The following ANGPT2 variants were observed in gnomAD, a reference collection of about 807,000 sequenced individuals.
ANGPT2 encodes the protein angiopoietin-2.
Under a neutral mutation model 62.9 loss-of-function variants are expected in ANGPT2, and 28 were observed. The observed-to-expected ratio is 0.44, with a 90% CI of 0.33 to 0.61. ANGPT2 has a LOEUF of 0.61. ANGPT2 is among the 20% of genes least tolerant of loss of function. The probability of loss-of-function intolerance (pLI) is 0.03; values close to 1 mark genes in which losing one functional copy is unlikely to be tolerated. For missense variants in ANGPT2, 727 were observed against 594.9 expected (o/e 1.22, Z -2.31); for synonymous variants, 284 against 207.8 (o/e 1.37, Z -3.15).
At chr8:6,507,775 G>A (rs1814076479) in intron 8 of ANGPT2, 1 of 151,806 alleles carries the variant, frequency 6.6e-6, no homozygotes, top group Non-Finnish European at 1.5e-5. Flanking sequence ...TAGAGATGGG[G>A]TTTCAACATG....
chr8:6,511,836 G>T (rs1421680711), intron 7 of ANGPT2, among the ~76,000 whole-genome samples: 1 of 151,398 alleles, frequency 6.6e-6, no homozygotes, highest in Non-Finnish European at 1.5e-5. Flanking sequence ...AGCGTACAAG[G>T]GTAATGACCC....
intron 1 of ANGPT2, among the ~76,000 whole-genome samples, chr8:6,546,069 G>C (rs887995170): frequency 4.6e-5 from 7 of 152,200 alleles, no homozygotes; most frequent in African/African-American, 1.7e-4. Context: ...CAGTTCCTTA[G>C]GAACTACTGG....
rs553535284 is a variant in ANGPT2 at position 6,521,424 on chromosome 8, G to T, written c.567-14C>A. 2 of 1,575,038 alleles carry T rather than the reference G, an allele frequency of 1.3e-6. No homozygotes were observed. The highest frequency in any genetic ancestry group is 2.7e-5 in the African/African-American group (2 of 73,518). Reference sequence around the variant, plus strand: ...TTTTCTAGGAAACTTGTAAGGAAAAGAATTGTTAGTTAGTGAAGGCTATTC... The same window carrying T: ...TTTTCTAGGAAACTTGTAAGGAAAATAATTGTTAGTTAGTGAAGGCTATTC... On this transcript the variant is annotated splice_polypyrimidine_tract_variant and intron_variant, in intron 3 of 8. Transcript: ENST00000629816.
intron 7 of ANGPT2, among the ~76,000 whole-genome samples, chr8:6,512,440 G>A (rs962164737): frequency 5.3e-5 from 8 of 152,162 alleles, no homozygotes; most frequent in African/African-American, 1.7e-4. Flanking sequence ...GACTGTTTTT[G>A]TGATGTTCGT....
At chr8:6,543,781 A>G (rs1211873459) in intron 1 of ANGPT2, among the ~76,000 whole-genome samples, 3 of 152,164 alleles carry the variant, frequency 2.0e-5, no homozygotes, top group Non-Finnish European at 4.4e-5. Context: ...CCAAGTATTT[A>G]AAGCTGCGAG....
At chr8:6,503,406 C>G in intron 8 of ANGPT2, 145 bp from the exon 9 acceptor site, 2 of 759,376 alleles carry the variant, frequency 2.6e-6, no homozygotes, top group Non-Finnish European at 4.3e-6. Flanking sequence ...AGGATGTGCA[C>G]TGGCAGAGGG....
intron 7 of ANGPT2, among the ~76,000 whole-genome samples, chr8:6,509,741 T>C (rs1347746360): frequency 6.6e-6 from 1 of 152,212 alleles, no homozygotes; most frequent in African/African-American, 2.4e-5. Flanking sequence ...TGAAAATGCA[T>C]GGAATACACC....
chr8:6,539,746 C>G (rs962891682), intron 1 of ANGPT2, among the ~76,000 whole-genome samples: 8 of 152,250 alleles, frequency 5.3e-5, no homozygotes, highest in Non-Finnish European at 7.3e-5. Context: ...ACCACCATGC[C>G]TGGGAAATTT....
intron 1 of ANGPT2, among the ~76,000 whole-genome samples, chr8:6,543,892 G>C (rs1397653513): frequency 6.6e-6 from 1 of 152,168 alleles, no homozygotes; most frequent in East Asian, 1.9e-4. Context: ...AGCTGAAAGG[G>C]CGCAATCTTT....
intron 1 of ANGPT2, among the ~76,000 whole-genome samples, chr8:6,544,011 C>A (rs1422047563): frequency 6.6e-6 from 1 of 152,154 alleles, no homozygotes; most frequent in Non-Finnish European, 1.5e-5. Flanking sequence ...TAGATCTGAT[C>A]AGCAGTAGAA....
chr8:6,502,972 G>T lies in ANGPT2; in HGVS notation c.*129C>A, dbSNP rs1812485617. 5 of 1,051,984 alleles carry T rather than the reference G, an allele frequency of 4.8e-6. No homozygotes were observed. In the Admixed American group the frequency reaches 1.1e-4, roughly 22 times the overall value. The allele number at this position is 1,051,984 out of a possible 1,614,324, so 65.2% of individuals were successfully genotyped here. ...TACAGGCTCTAATCTGGAGCATGTGGGTCCCGTCAGCACCGAGCACACGCC... is the reference window on the plus strand; with the variant it reads ...TACAGGCTCTAATCTGGAGCATGTGTGTCCCGTCAGCACCGAGCACACGCC... On this transcript the variant is annotated 3_prime_UTR_variant, in exon 9 of 9. Transcript: ENST00000629816.
At chr8:6,533,194 C>T (rs574226816) in intron 1 of ANGPT2, among the ~76,000 whole-genome samples, 1 of 152,318 alleles carries the variant, frequency 6.6e-6, no homozygotes, top group Non-Finnish European at 1.5e-5. Flanking sequence ...TGGGCTGGTT[C>T]TTCTCTCCCT....
intron 1 of ANGPT2, 41 bp downstream of exon 1, chr8:6,562,606 T>C (rs1160187213): frequency 9.7e-7 from 1 of 1,030,230 alleles, no homozygotes; most frequent in South Asian, 2.1e-5. Flanking sequence ...CAAGCTGATC[T>C]TAATAGCATG....
In ANGPT2 at chr8:6,522,996, G is replaced by A. The variant is rs573256318; in HGVS notation, c.567-1586C>T. Among the ~76,000 whole-genome samples, 5 of 147,116 alleles carry A rather than the reference G, an allele frequency of 3.4e-5. No homozygotes were observed. In the South Asian group the frequency reaches 1.1e-3, roughly 32 times the overall value. ...AATATGTGAGCCAAGCCCTTGAAAA[G>A]TTTTTTTTTTTCTTTTTTTGAGATG... On this transcript the variant is annotated intron_variant, in intron 3 of 8. Transcript: ENST00000629816.
At chr8:6,516,360 T>G (rs763192278) in intron 5 of ANGPT2, among the ~76,000 whole-genome samples, 6 of 152,194 alleles carry the variant, frequency 3.9e-5, no homozygotes, top group Admixed American at 6.5e-5. Context: ...GAGAAAAGAT[T>G]TAGCAAAGTT....
At chr8:6,509,463 C>T (rs901821942) in intron 7 of ANGPT2, among the ~76,000 whole-genome samples, 7 of 152,168 alleles carry the variant, frequency 4.6e-5, no homozygotes, top group African/African-American at 1.4e-4. Flanking sequence ...TTATTTTCCG[C>T]AGGGGGCCCC....
intron 1 of ANGPT2, among the ~76,000 whole-genome samples, chr8:6,555,988 C>A (rs943679380): frequency 2.0e-5 from 3 of 152,150 alleles, no homozygotes; most frequent in Non-Finnish European, 4.4e-5. Context: ...TCTCAGCAAT[C>A]GGAATCTGTC....
chr8:6,503,494 C>T (rs796897688), intron 8 of ANGPT2, among the ~76,000 whole-genome samples: 10 of 152,318 alleles, frequency 6.6e-5, no homozygotes, highest in African/African-American at 2.4e-4. Flanking sequence ...TCCACCTTTT[C>T]CCTTGTGCTG....
intron 1 of ANGPT2, among the ~76,000 whole-genome samples, chr8:6,534,483 A>G (rs1820144050): frequency 6.6e-6 from 1 of 152,170 alleles, no homozygotes. Context: ...GTGTAAAATC[A>G]TTTTGTTGAA....
Sources: gnomAD v4.1 joint callset for allele counts (sites outside exome capture counted in the v4.1 genomes callset) on GRCh38, gnomAD v4.1.1 for gene constraint, MANE v1.5 for transcripts, NCBI Gene and HGNC (gene_info 2026-07-23, HGNC 2026-07-21) for gene names.